Variants in RNF38 observed in about 807,000 individuals in gnomAD.
The protein encoded by RNF38 is E3 ubiquitin-protein ligase RNF38.
A neutral mutation model predicts 67.2 loss-of-function variants in RNF38; 15 were observed. That is an observed-to-expected ratio of 0.22 (90% CI 0.15 to 0.34). The LOEUF (loss-of-function observed/expected upper bound fraction) is 0.34, where lower values mean the gene tolerates loss of function less well. RNF38 is among the 10% of genes least tolerant of loss of function. RNF38 has a pLI of 1.00. For missense variants in RNF38, 524 were observed against 639.9 expected, an observed-to-expected ratio of 0.82 and a Z score of 1.95; for synonymous variants, 220 against 218.8, an observed-to-expected ratio of 1.01 and a Z score of -0.05.
At chr9:36,433,510 C>T (rs567574606) in intron 1 of RNF38, among the ~76,000 whole-genome samples, 9 of 151,762 alleles carry the variant, frequency 5.9e-5, no homozygotes, top group Admixed American at 3.3e-4. Context: ...GAAGCCAAGA[C>T]GGGCAGATCA....
At position 36,439,888 on chromosome 9, in the gene RNF38, C is replaced by T. The variant is rs139333182; in HGVS notation, n.242-15205G>A. On this transcript the variant is annotated intron_variant and non_coding_transcript_variant, in intron 1 of 3. Transcript: ENST00000488058. The stretch of plus-strand genomic sequence containing the variant: ...CAAATTTGTCTGGCATAATTTGTAA[C>T]TGAGAACATTTTATTGGTATCCATT... Among the ~76,000 whole-genome samples the T allele has an allele frequency of 2.9e-3, 436 of 151,518 alleles. 2 individuals carry two copies. The highest frequency in any genetic ancestry group is 9.2e-3 in the African/African-American group (381 of 41,300).
At chr9:36,372,065 G>C (rs2133808375) in intron 3 of RNF38, among the ~76,000 whole-genome samples, 1 of 151,944 alleles carries the variant, frequency 6.6e-6, no homozygotes, top group East Asian at 1.9e-4. Context: ...CGAGTAGCTG[G>C]GACTACAGGC....
At chr9:36,345,418 G>A (rs2133380055) in intron 9 of RNF38, among the ~76,000 whole-genome samples, 1 of 152,262 alleles carries the variant, frequency 6.6e-6, no homozygotes, top group Non-Finnish European at 1.5e-5. Flanking sequence ...GACCCTGTGA[G>A]CTGGATAATT....
intron 11 of RNF38, 120 bp from the exon 12 acceptor site, chr9:36,339,934 C>G: frequency 1.1e-6 from 1 of 926,748 alleles, no homozygotes; most frequent in South Asian, 1.5e-5. Context: ...TGAAGAGGTA[C>G]AAAGCAATTT....
intron 8 of RNF38, among the ~76,000 whole-genome samples, chr9:36,351,417 T>C (rs960833439): frequency 1.3e-5 from 2 of 152,198 alleles, no homozygotes; most frequent in African/African-American, 2.4e-5. Context: ...CATAAGAAGA[T>C]TAGAAGACTC....
chr9:36,390,169 T>C (rs1836967083), intron 2 of RNF38, among the ~76,000 whole-genome samples: 1 of 152,190 alleles, frequency 6.6e-6, no homozygotes, highest in African/African-American at 2.4e-5. Context: ...TATTCTACAC[T>C]ATCTTCTACT....
intron 1 of RNF38, among the ~76,000 whole-genome samples, chr9:36,427,852 A>G (rs1838817152): frequency 6.6e-6 from 1 of 151,668 alleles, no homozygotes; most frequent in African/African-American, 2.4e-5. Flanking sequence ...CTGGGATTAC[A>G]AGTATGTACC....
At position 36,374,345 on chromosome 9, in the gene RNF38, T is replaced by C. The variant is rs1587542435; in HGVS notation, c.356+1589A>G. Among the ~76,000 whole-genome samples, 4 of 152,328 alleles carry C rather than the reference T, an allele frequency of 2.6e-5. No individual in the cohort carries two copies. The East Asian group carries it at 7.7e-4, about 29-fold the overall frequency. ...CTGGGTGGCTTAAACAGATACTTAATTTCTCAAAGTTTTAAAGCCTAGAAG... is the reference window on the plus strand; with the variant it reads ...CTGGGTGGCTTAAACAGATACTTAACTTCTCAAAGTTTTAAAGCCTAGAAG... On this transcript the variant is annotated intron_variant, in intron 3 of 11. Coordinates refer to ENST00000259605, the MANE Select transcript of RNF38 (RefSeq NM_022781.5).
At chr9:36,438,438 G>A (rs1839119916) in intron 1 of RNF38, among the ~76,000 whole-genome samples, 1 of 151,880 alleles carries the variant, frequency 6.6e-6, no homozygotes, top group Admixed American at 6.6e-5. Context: ...AAGCTCATCA[G>A]CAATCGTTAG....
chr9:36,339,957 A>G (rs1832720254), intron 11 of RNF38, 143 bp from the exon 12 acceptor site: 1 of 704,572 alleles, frequency 1.4e-6, no homozygotes, highest in East Asian at 2.8e-5. Flanking sequence ...GCCTTTTTTT[A>G]ACCCATAAAC....
intron 2 of RNF38, among the ~76,000 whole-genome samples, chr9:36,411,275 T>C (rs923018318): frequency 6.6e-6 from 1 of 152,084 alleles, no homozygotes; most frequent in African/African-American, 2.4e-5. Flanking sequence ...TAACAAGTGT[T>C]GGCGAGGATT....
intron 2 of RNF38, among the ~76,000 whole-genome samples, chr9:36,420,799 G>A (rs77680483): frequency 3.5e-4 from 54 of 152,128 alleles, no homozygotes; most frequent in African/African-American, 1.1e-3. Flanking sequence ...CCCTGTGAAC[G>A]AATGTAAAAA....
At chr9:36,472,097 C>T (rs907911123) in intron 1 of RNF38, among the ~76,000 whole-genome samples, 7 of 152,040 alleles carry the variant, frequency 4.6e-5, no homozygotes, top group African/African-American at 1.4e-4. Flanking sequence ...TTAGATAATT[C>T]GATTACAAGA....
intron 1 of RNF38, among the ~76,000 whole-genome samples, chr9:36,451,335 C>T (rs539216356): frequency 4.6e-5 from 7 of 151,636 alleles, no homozygotes; most frequent in Non-Finnish European, 7.4e-5. Flanking sequence ...TGTGGTGGCA[C>T]GCATCTATAA....
intron 1 of RNF38, among the ~76,000 whole-genome samples, chr9:36,480,136 A>G (rs2065607): frequency 0.05 from 7,629 of 151,844 alleles, 596 homozygotes; most frequent in African/African-American, 0.17. Context: ...ACACCACCAC[A>G]CCCAGCTAAG....
chr9:36,340,409 A>C (rs1832753372), intron 11 of RNF38, among the ~76,000 whole-genome samples: 1 of 152,234 alleles, frequency 6.6e-6, no homozygotes. Flanking sequence ...TTTTTGAGAC[A>C]GGGTTAAACC....
chr9:36,439,155 C>T (rs981016630), intron 1 of RNF38, among the ~76,000 whole-genome samples: 3 of 152,162 alleles, frequency 2.0e-5, no homozygotes, highest in Admixed American at 2.0e-4. Context: ...AAATTATATT[C>T]TAGCTAATTC....
intron 1 of RNF38, among the ~76,000 whole-genome samples, chr9:36,434,943 C>T (rs74802302): frequency 0.051 from 7,751 of 150,540 alleles, 597 homozygotes; most frequent in African/African-American, 0.17. Context: ...ATTTTAAAGG[C>T]TTAAATGCCC....
At chr9:36,386,612 G>C (rs1836659394) in intron 2 of RNF38, among the ~76,000 whole-genome samples, 1 of 152,122 alleles carries the variant, frequency 6.6e-6, no homozygotes, top group East Asian at 1.9e-4. Flanking sequence ...TGAGTCACAG[G>C]ATGAGATAGG....
Sources: gnomAD v4.1 joint callset for allele counts (sites outside exome capture counted in the v4.1 genomes callset) on GRCh38, gnomAD v4.1.1 for gene constraint, MANE v1.5 for transcripts, NCBI Gene and HGNC (gene_info 2026-07-23, HGNC 2026-07-21) for gene names.